The following PCDH15 variants were observed in gnomAD, a reference collection of about 807,000 sequenced individuals.
The protein encoded by PCDH15 is protocadherin related 15, also known as protocadherin-15.
Under a neutral mutation model 178.5 loss-of-function variants are expected in PCDH15, and 129 were observed. The observed-to-expected ratio is 0.72, with a 90% confidence interval of 0.63 to 0.84. PCDH15 has a LOEUF of 0.84. Among genes scored for constraint, PCDH15 ranks in the 40% least tolerant of loss-of-function variants. The pLI is 0.00. For synonymous variants in PCDH15, 800 were observed against 732.0 expected (o/e 1.09, Z -1.50); for missense variants, 2,230 against 2,099.9 (o/e 1.06, Z -1.21).
chr10:54,201,952 G>A (rs4287258), intron 10 of PCDH15, among the ~76,000 whole-genome samples: 136,864 of 152,266 alleles, frequency 0.9, 61,672 homozygotes, highest in East Asian at 0.98. Context: ...CATCAATTAT[G>A]ATTCTATATC....
chr10:53,822,542 T>C lies in PCDH15; in HGVS notation c.4368-2312A>G. ...GATGGGCAAAATTTTCAAAAATATTTCTTTCGGTTTCAATAGGTAACATAC... is the reference window on the plus strand; with the variant it reads ...GATGGGCAAAATTTTCAAAAATATTCCTTTCGGTTTCAATAGGTAACATAC... On this transcript the variant is annotated intron_variant, in intron 32 of 37. Coordinates refer to ENST00000644397, the MANE Select transcript of PCDH15 (RefSeq NM_001384140.1). The C allele has an allele frequency of 6.2e-7, 1 of 1,613,752 alleles. No individual in the cohort carries two copies. The highest frequency in any genetic ancestry group is 1.3e-5 in the African/African-American group (1 of 74,972).
intron 2 of PCDH15, among the ~76,000 whole-genome samples, chr10:54,630,715 G>C (rs1418196903): frequency 1.3e-5 from 2 of 152,110 alleles, no homozygotes; most frequent in East Asian, 1.9e-4. Context: ...AGAGTAAACA[G>C]ATAACCTATG....
chr10:53,828,207 C>CAAAAAAAAAAAAAAAAAAAAAAAAAA (rs71004480), intron 31 of PCDH15, among the ~76,000 whole-genome samples: 1 of 53,754 alleles, frequency 1.9e-5, no homozygotes. Flanking sequence ...AAGTCCGTCT[C>CAAAAAAAAAAAAAAAAAAAAAAAAAA]AAAAAAAAAA....
At chr10:55,011,534 T>A (rs1205785954) in intron 2 of PCDH15, among the ~76,000 whole-genome samples, 7 of 152,092 alleles carry the variant, frequency 4.6e-5, no homozygotes, top group Non-Finnish European at 1.0e-4. Flanking sequence ...TAGAAGGAAT[T>A]CTAGGTTGTT....
At chr10:54,342,878 C>CA (rs1341339926) in intron 6 of PCDH15, among the ~76,000 whole-genome samples, 1 of 152,156 alleles carries the variant, frequency 6.6e-6, no homozygotes, top group Non-Finnish European at 1.5e-5. Flanking sequence ...TGTGGACTTG[C>CA]ATGGGGCCTG....
intron 1 of PCDH15, among the ~76,000 whole-genome samples, chr10:55,171,940 T>G (rs1308235573): frequency 6.6e-6 from 1 of 152,062 alleles, no homozygotes; most frequent in Non-Finnish European, 1.5e-5. Context: ...CAACAAGCTT[T>G]TATTAAAAAT....
intron 2 of PCDH15, among the ~76,000 whole-genome samples, chr10:55,138,304 C>T (rs749472305): frequency 3.3e-5 from 5 of 152,036 alleles, no homozygotes; most frequent in Admixed American, 6.6e-5. Flanking sequence ...TACGTGTTTA[C>T]CCTCTACTTG....
rs2094075801 is a variant in PCDH15 at position 54,063,602 on chromosome 10, G to T, written c.2220+3155C>A. Reference sequence around the variant, plus strand: ...GCCAGAAACCTCTGCGGGTGGTGGCGCCTTTGCCCAAGTTTTGCTCGGACT... The same window carrying T: ...GCCAGAAACCTCTGCGGGTGGTGGCTCCTTTGCCCAAGTTTTGCTCGGACT... On this transcript the variant is annotated intron_variant, in intron 18 of 37. Coordinates refer to ENST00000644397, the MANE Select transcript of PCDH15 (RefSeq NM_001384140.1). Among the ~76,000 whole-genome samples, 4 of 152,042 alleles carry T rather than the reference G, an allele frequency of 2.6e-5. No homozygotes were observed. The South Asian group carries it at 8.3e-4, about 31-fold the overall frequency.
intron 20 of PCDH15, among the ~76,000 whole-genome samples, chr10:54,000,834 A>G (rs1589845084): frequency 6.6e-6 from 1 of 152,262 alleles, no homozygotes; most frequent in Non-Finnish European, 1.5e-5. Context: ...TCCAAGTACA[A>G]AAGATTATAG....
chr10:54,708,375 G>C (rs1417849713), intron 1 of PCDH15, among the ~76,000 whole-genome samples: 1 of 152,138 alleles, frequency 6.6e-6, no homozygotes, highest in Non-Finnish European at 1.5e-5. Context: ...ACTAACCCAA[G>C]TTGGACTGTG....
intron 1 of PCDH15, among the ~76,000 whole-genome samples, chr10:54,726,112 C>G (rs750317015): frequency 2.0e-5 from 3 of 151,006 alleles, no homozygotes; most frequent in Admixed American, 6.6e-5. Context: ...TCTCCCTCCC[C>G]TTTTTGTGGA....
At chr10:55,282,908 C>T (rs933738643) in intron 1 of PCDH15, among the ~76,000 whole-genome samples, 2 of 152,168 alleles carry the variant, frequency 1.3e-5, no homozygotes, top group Admixed American at 6.5e-5. Context: ...TGTTCTTGTT[C>T]ATTCCTGGGT....
Position 55,227,072 on chromosome 10 carries a change from C to T in PCDH15, c.-155-60421G>A, listed in dbSNP as rs1035691598. Among the ~76,000 whole-genome samples the T allele has an allele frequency of 4.0e-5, 6 of 151,688 alleles. No homozygotes were observed. In the East Asian group the frequency reaches 1.2e-3, roughly 29 times the overall value. On this transcript the variant is annotated intron_variant, in intron 1 of 5. Transcript: ENST00000458638. ...TTCCACAATGTATATACATTTCAAC[C>T]ATAATGTTGAACATGAAAAAATAAG...
intron 2 of PCDH15, among the ~76,000 whole-genome samples, chr10:54,640,653 C>A (rs188209615): frequency 1.4e-3 from 209 of 151,578 alleles, no homozygotes; most frequent in African/African-American, 5.0e-3. Context: ...TCCTTTTTTC[C>A]TTCCTTATTC....
At chr10:53,891,855 G>C (rs545262055) in intron 26 of PCDH15, among the ~76,000 whole-genome samples, 3 of 151,614 alleles carry the variant, frequency 2.0e-5, no homozygotes, top group Non-Finnish European at 4.4e-5. Context: ...TGTAATCCCA[G>C]CTACTTGGGA....
chr10:55,125,581 A>G (rs939142263), intron 2 of PCDH15, among the ~76,000 whole-genome samples: 3 of 152,076 alleles, frequency 2.0e-5, no homozygotes, highest in Admixed American at 6.6e-5. Flanking sequence ...GAAGATATCT[A>G]GTGTTGACCA....
At chr10:54,258,552 A>G (rs2057082421) in intron 8 of PCDH15, among the ~76,000 whole-genome samples, 1 of 152,194 alleles carries the variant, frequency 6.6e-6, no homozygotes, top group Non-Finnish European at 1.5e-5. Context: ...AGGCAGAGCC[A>G]GAAGTACAAT....
intron 1 of PCDH15, among the ~76,000 whole-genome samples, chr10:54,709,609 T>C (rs977457682): frequency 9.3e-5 from 11 of 117,898 alleles, no homozygotes; most frequent in East Asian, 2.1e-4. Context: ...TATATATATA[T>C]ACATATATAT....
chr10:55,448,682 T>C (rs1447107817), intron 2 of PCDH15, among the ~76,000 whole-genome samples: 1 of 152,054 alleles, frequency 6.6e-6, no homozygotes, highest in Non-Finnish European at 1.5e-5. Flanking sequence ...TCTCAAAATA[T>C]ATTAATAATC....
Sources: allele counts gnomAD v4.1 joint callset (sites outside exome capture counted in the v4.1 genomes callset), GRCh38; gene constraint gnomAD v4.1.1; transcripts MANE v1.5; gene names NCBI Gene and HGNC (gene_info 2026-07-23, HGNC 2026-07-21).